Variants in SETDB2 observed in about 807,000 individuals in gnomAD.
The protein encoded by SETDB2 is SET domain bifurcated histone lysine methyltransferase 2, also known as histone-lysine N-methyltransferase SETDB2.
Under a neutral mutation model 82.5 loss-of-function variants are expected in SETDB2, and 56 were observed. That is an observed-to-expected ratio of 0.68 (90% CI 0.55 to 0.85). The LOEUF (loss-of-function observed/expected upper bound fraction) is 0.85. SETDB2 is among the 40% of genes least tolerant of loss of function. The pLI is 0.00. For synonymous variants in SETDB2, 272 were observed against 284.9 expected (o/e 0.95, Z 0.46); for missense variants, 677 against 816.4 (o/e 0.83, Z 2.08).
At chr13:49,464,097 A>AG in intron 4 of SETDB2, 1 of 770,420 alleles carries the variant, frequency 1.3e-6, no homozygotes, top group Non-Finnish European at 2.4e-6. Flanking sequence ...AATAGGTGAA[A>AG]GGGAGGAGCA....
intron 1 of SETDB2, among the ~76,000 whole-genome samples, chr13:49,448,424 G>A (rs1315364935): frequency 3.3e-5 from 5 of 151,956 alleles, no homozygotes; most frequent in Non-Finnish European, 7.4e-5. Context: ...TTTATTTAAG[G>A]CCTAAATATC....
chr13:49,463,268 C>T (rs1958033614), intron 4 of SETDB2, among the ~76,000 whole-genome samples: 1 of 152,132 alleles, frequency 6.6e-6, no homozygotes. Context: ...GCCTCGGCCT[C>T]CCAAAGTGCT....
intron 4 of SETDB2, among the ~76,000 whole-genome samples, chr13:49,465,826 T>A (rs1176592406): frequency 6.6e-6 from 1 of 152,132 alleles, no homozygotes; most frequent in Non-Finnish European, 1.5e-5. Context: ...TGTGAGCCAC[T>A]GCGCCCCATC....
chr13:49,458,666 A>G (rs1384514828), intron 2 of SETDB2, among the ~76,000 whole-genome samples: 4 of 152,154 alleles, frequency 2.6e-5, no homozygotes, highest in Non-Finnish European at 4.4e-5. Context: ...AATGACTCCA[A>G]TTTGTATTTC....
At chr13:49,447,956 T>A (rs1261495443) in intron 1 of SETDB2, among the ~76,000 whole-genome samples, 1 of 152,108 alleles carries the variant, frequency 6.6e-6, no homozygotes, top group Non-Finnish European at 1.5e-5. Flanking sequence ...TGTAAAAGTT[T>A]ATGGACCTAG....
At chr13:49,483,049 C>A in intron 9 of SETDB2, 87 bp downstream of exon 9, 3 of 830,400 alleles carry the variant, frequency 3.6e-6, no homozygotes, top group Non-Finnish European at 5.7e-6. Flanking sequence ...TTTCTTTTCT[C>A]CTCATTTGTA....
At chr13:49,491,050 T>G in intron 13 of SETDB2, 140 bp downstream of exon 13, 1 of 573,006 alleles carries the variant, frequency 1.7e-6, no homozygotes, top group Non-Finnish European at 3.0e-6. Flanking sequence ...CTCAGGAGTT[T>G]AAGACCAGCC....
intron 3 of SETDB2, 136 bp from the exon 4 acceptor site, chr13:49,460,961 C>A: frequency 3.5e-6 from 2 of 565,380 alleles, no homozygotes; most frequent in Non-Finnish European, 6.2e-6. Flanking sequence ...TTTCTTTTGT[C>A]TCTAATGCAG....
chr13:49,480,841 CTT>C, intron 7 of SETDB2, 104 bp from the exon 8 acceptor site: 1 of 1,172,984 alleles, frequency 8.5e-7, no homozygotes, highest in East Asian at 2.4e-5. Flanking sequence ...CCTCTAAGAG[CTT>C]TCACATTTAG....
At chr13:49,471,451 CTT>C (rs1354749608) in intron 5 of SETDB2, among the ~76,000 whole-genome samples, 1 of 125,986 alleles carries the variant, frequency 7.9e-6, no homozygotes, top group Non-Finnish European at 1.6e-5. Flanking sequence ...CAAGTATAAA[CTT>C]TGGTTTGTCA....
chr13:49,466,375 CAGTG>C (rs1958114413), intron 4 of SETDB2, among the ~76,000 whole-genome samples: 1 of 150,854 alleles, frequency 6.6e-6, no homozygotes, highest in African/African-American at 2.4e-5. Flanking sequence ...TTCAAGGTCA[CAGTG>C]AGCTTATGAT....
rs1958719551 is a variant in SETDB2, at chr13:49,491,868, T to C, written c.*19T>C. ...ATTATAAATATGTAACTAACGCCTG[T>C]TTGTGAAATTAGCTTATCAGGCTGA... On this transcript the variant is annotated 3_prime_UTR_variant, in exon 14 of 14. Coordinates refer to ENST00000611815, the MANE Select transcript of SETDB2 (RefSeq NM_001160308.3). 1.3e-6 allele frequency: 2 copies of C among 1,507,422 alleles called. No homozygotes were observed. The highest frequency in any genetic ancestry group is 1.8e-6 in the Non-Finnish European group (2 of 1,083,614). The allele number at this position is 1,507,422 out of a possible 1,614,324, so 93.4% of individuals were successfully genotyped here. A position where few individuals can be genotyped will look rare whatever the true frequency, so the allele number is the denominator to read the frequency against.
At position 49,495,003 on chromosome 13, in the gene SETDB2, A is replaced by G. The variant is rs983166002; in HGVS notation, c.*3154A>G. On this transcript the variant is annotated 3_prime_UTR_variant, in exon 14 of 14. Transcript: ENST00000611815. ...ATAAAGGCTTGCTACTGGCAACTGG[A>G]TTTAGGATCGGCTAATTCTGCGTCC... The G allele has an allele frequency of 4.0e-5, 6 of 151,400 alleles. No homozygotes were observed. The highest frequency in any genetic ancestry group is 2.1e-4 in the South Asian group (1 of 4,814). 9.4% of individuals were successfully genotyped at this position (151,400 alleles called of 1,614,324 possible).
Position 49,444,472 on chromosome 13 carries a change from G to C in SETDB2, c.-727G>C, listed in dbSNP as rs1957615500. ...CGGAGCTGGCGGAGCTCACTCCTCA[G>C]GTCAGGCGGGCGGCGTAGAAAACGC... is the stretch of plus-strand genomic sequence containing the variant. On this transcript the variant is annotated 5_prime_UTR_variant, in exon 1 of 14. Coordinates refer to ENST00000611815, the MANE Select transcript of SETDB2 (RefSeq NM_001160308.3). 6.0e-6 allele frequency: 1 copy of C among 166,138 alleles called. No individual in the cohort carries two copies. The highest frequency in any genetic ancestry group is 5.7e-5 in the Admixed American group (1 of 17,568). The allele number at this position is 166,138 out of a possible 1,614,324, so 10.3% of individuals were successfully genotyped here. A position where few individuals can be genotyped will look rare whatever the true frequency, so the allele number is the denominator to read the frequency against.
intron 5 of SETDB2, among the ~76,000 whole-genome samples, chr13:49,475,491 A>AT (rs879566250): frequency 0.023 from 3,369 of 145,920 alleles, 116 homozygotes; most frequent in African/African-American, 0.078. Flanking sequence ...CTTTTCACGG[A>AT]TTTTTTTTTT....
At chr13:49,453,799 G>A (rs1957827476) in intron 2 of SETDB2, among the ~76,000 whole-genome samples, 1 of 152,136 alleles carries the variant, frequency 6.6e-6, no homozygotes, top group Admixed American at 6.6e-5. Flanking sequence ...ACCAAGGTCT[G>A]AATGATAGGT....
At chr13:49,466,830 T>TTC (rs78834777) in intron 4 of SETDB2, among the ~76,000 whole-genome samples, 11 of 150,286 alleles carry the variant, frequency 7.3e-5, no homozygotes, top group Non-Finnish European at 1.3e-4. Flanking sequence ...TTTTTTTTTT[T>TTC]TCTGTCGTAG....
intron 11 of SETDB2, 97 bp downstream of exon 11, chr13:49,485,820 A>G (rs781460680): frequency 9.6e-7 from 1 of 1,043,188 alleles, no homozygotes; most frequent in South Asian, 1.3e-5. Flanking sequence ...TCCATAATAA[A>G]CATGCTGCAT....
rs879566250 is a variant in SETDB2, at chr13:49,475,491, AT to A, written c.306-972del. Among the ~76,000 whole-genome samples, 571 of 145,464 alleles carry A rather than the reference AT, an allele frequency of 3.9e-3. 2 individuals are homozygous for A. Among genetic ancestry groups the A allele is most frequent in the African/African-American group, 7.8e-3 (311 of 40,112 alleles). On this transcript the variant is annotated intron_variant, in intron 5 of 13. Transcript: ENST00000611815. ...CCAAACAAAAGGAAGCTTTTCACGG[AT>A]TTTTTTTTTTTTAAGACAGGATCTC...
Sources: allele counts gnomAD v4.1 joint callset (sites outside exome capture counted in the v4.1 genomes callset), GRCh38; gene constraint gnomAD v4.1.1; transcripts MANE v1.5; gene names NCBI Gene and HGNC (gene_info 2026-07-23, HGNC 2026-07-21).